LRRK2: variants seen among roughly 807,000 people sequenced by gnomAD.
LRRK2 encodes leucine-rich repeat serine/threonine-protein kinase 2.
Under a neutral mutation model 302.6 loss-of-function variants are expected in LRRK2, and 203 were observed. The observed-to-expected ratio is 0.67, with a 90% CI of 0.60 to 0.75. The LOEUF (loss-of-function observed/expected upper bound fraction) is 0.75. Among genes scored for constraint, LRRK2 ranks in the 30% least tolerant of loss-of-function variants. The pLI, the probability that LRRK2 is intolerant of heterozygous loss-of-function variation, is 0.00. For missense variants in LRRK2, 2,830 were observed against 2,951.0 expected, an observed-to-expected ratio of 0.96 and a Z score of 0.95; for synonymous variants, 1,066 against 1,031.9, an observed-to-expected ratio of 1.03 and a Z score of -0.63.
intron 33 of LRRK2, among the ~76,000 whole-genome samples, chr12:40,316,636 C>T (rs1258598706): frequency 6.6e-6 from 1 of 151,960 alleles, no homozygotes; most frequent in Non-Finnish European, 1.5e-5. Context: ...CAATTATCTT[C>T]TATATTGCCT....
chr12:40,366,302 A>T (rs1946879239), intron 49 of LRRK2: 1 of 151,864 alleles, frequency 6.6e-6, no homozygotes, highest in Non-Finnish European at 1.5e-5. Flanking sequence ...ATGCTTTGAA[A>T]TGTTAGCTCC....
chr12:40,335,298 G>T, intron 40 of LRRK2, 141 bp downstream of exon 40: 1 of 970,522 alleles, frequency 1.0e-6, no homozygotes, highest in East Asian at 2.6e-5. Context: ...CCATTTCCCT[G>T]ATCAAATTTT....
At chr12:40,333,370 G>A (rs996659111) in intron 39 of LRRK2, among the ~76,000 whole-genome samples, 1 of 152,128 alleles carries the variant, frequency 6.6e-6, no homozygotes, top group African/African-American at 2.4e-5. Flanking sequence ...TTTGAAGCTG[G>A]TTGTTAAGAA....
intron 38 of LRRK2, among the ~76,000 whole-genome samples, chr12:40,323,732 A>G (rs1281152144): frequency 1.3e-5 from 2 of 152,050 alleles, no homozygotes; most frequent in Non-Finnish European, 2.9e-5. Flanking sequence ...CTGAATTCTC[A>G]TAGAAATATT....
intron 39 of LRRK2, among the ~76,000 whole-genome samples, chr12:40,334,220 T>TGAGTTTG (rs1945801422): frequency 2.6e-5 from 4 of 152,194 alleles, no homozygotes; most frequent in Admixed American, 2.6e-4. Context: ...ATTCAGTAGA[T>TGAGTTTG]GAGTTTGACG....
intron 5 of LRRK2, among the ~76,000 whole-genome samples, chr12:40,239,143 C>T (rs1386874785): frequency 6.6e-6 from 1 of 152,106 alleles, no homozygotes; most frequent in Non-Finnish European, 1.5e-5. Context: ...ATCTGAGAAA[C>T]ATCTTCCCAT....
intron 20 of LRRK2, among the ~76,000 whole-genome samples, chr12:40,290,471 T>A (rs1225796850): frequency 6.6e-6 from 1 of 152,026 alleles, no homozygotes; most frequent in Non-Finnish European, 1.5e-5. Context: ...GTAAAGGTAT[T>A]TTCTTCTTAA....
intron 21 of LRRK2, among the ~76,000 whole-genome samples, 189 bp downstream of exon 21, chr12:40,293,852 A>T (rs4483664): frequency 1.3e-5 from 2 of 150,110 alleles, no homozygotes; most frequent in African/African-American, 2.4e-5. Context: ...CTCAATTCAC[A>T]TTTGTAGTCT....
At chr12:40,366,900 A>G in intron 49 of LRRK2, 106 bp from the exon 50 acceptor site, 1 of 751,478 alleles carries the variant, frequency 1.3e-6, no homozygotes. Flanking sequence ...TTGTGAATTC[A>G]GTTCCAAGGT....
At chr12:40,246,825 A>G (rs1942007504) in intron 7 of LRRK2, among the ~76,000 whole-genome samples, 1 of 152,122 alleles carries the variant, frequency 6.6e-6, no homozygotes, top group African/African-American at 2.4e-5. Flanking sequence ...CTTTCCCACA[A>G]GACTACTCTG....
intron 3 of LRRK2, among the ~76,000 whole-genome samples, chr12:40,233,861 C>G (rs1941314168): frequency 6.6e-6 from 1 of 152,240 alleles, no homozygotes; most frequent in South Asian, 2.1e-4. Flanking sequence ...TTCATCCAGT[C>G]ATTCATCTTC....
chr12:40,288,545 A>G (rs1209380022), intron 20 of LRRK2, among the ~76,000 whole-genome samples: 1 of 151,820 alleles, frequency 6.6e-6, no homozygotes, highest in East Asian at 1.9e-4. Context: ...AAATGATTGT[A>G]CTATGTTCTA....
intron 47 of LRRK2, among the ~76,000 whole-genome samples, chr12:40,362,279 GA>G (rs1413417603): frequency 6.6e-6 from 1 of 151,554 alleles, no homozygotes; most frequent in Non-Finnish European, 1.5e-5. Context: ...AAAGGGGGAG[GA>G]AAAAAAATCT....
At chr12:40,297,281 T>C (rs1172019086) in intron 23 of LRRK2, among the ~76,000 whole-genome samples, 2 of 152,204 alleles carry the variant, frequency 1.3e-5, no homozygotes, top group Non-Finnish European at 2.9e-5. Context: ...GAAGAGACTG[T>C]GACAAGGTGA....
In LRRK2 at chr12:40,260,660, T is replaced by G. The variant is rs537149695; in HGVS notation, c.1543+1056T>G. Among the ~76,000 whole-genome samples the G allele has an allele frequency of 2.0e-5, 3 of 152,222 alleles. No homozygotes were observed. The South Asian group carries it at 6.2e-4, about 32-fold the overall frequency. On this transcript the variant is annotated intron_variant, in intron 13 of 50. Transcript: ENST00000298910. ...GTAGTGTCACACCGAAATTTGCAACTAAAGACAATAGCATTGTGGTGCAGA... is the reference window on the plus strand; with the variant it reads ...GTAGTGTCACACCGAAATTTGCAACGAAAGACAATAGCATTGTGGTGCAGA...
At chr12:40,275,584 G>A (rs1380532154) in intron 16 of LRRK2, among the ~76,000 whole-genome samples, 5 of 150,836 alleles carry the variant, frequency 3.3e-5, no homozygotes, top group Admixed American at 6.6e-5. Context: ...TGGTTGTGGA[G>A]TTTGCAACTT....
chr12:40,340,427 G>A lies in LRRK2; in HGVS notation c.6082G>A (p.Gly2028Arg). The A allele has an allele frequency of 6.2e-7, 1 of 1,613,800 alleles. No homozygotes were observed. Among genetic ancestry groups the A allele is most frequent in the South Asian group, 1.1e-5 (1 of 91,078 alleles). ...YGIAQYCCRMGIKTSEGTPGF... is the reference protein window; with the variant it reads ...YGIAQYCCRMRIKTSEGTPGF... ...CATTGCTCAGTACTGCTGTAGAATG[G>A]GGATAAAAACATCAGAGGGCACACC... The change falls in exon 41 of 51, where the codon GGG becomes AGG. Residue 2028 changes from glycine (G) to arginine (R), a missense_variant. Coordinates refer to ENST00000298910, the MANE Select transcript of LRRK2 (RefSeq NM_198578.4).
chr12:40,322,438 T>G lies in LRRK2; in HGVS notation c.5437T>G (p.Leu1813Val). 2 of 1,613,328 alleles carry G rather than the reference T, an allele frequency of 1.2e-6. No homozygotes were observed. Among genetic ancestry groups the G allele is most frequent in the Non-Finnish European group, 1.7e-6 (2 of 1,179,454 alleles). ...EGETLLKKWA[L>V]YSFNDGEEHQ... The stretch of plus-strand genomic sequence containing the variant: ...AGAAACTCTGTTGAAGAAATGGGCA[T>G]TATATAGTTTTAATGATGGTGAAGA... The change falls in exon 37 of 51, where the codon TTA (leucine) becomes GTA (valine). Residue 1813 changes from leucine to valine, a missense_variant. Leu to Val is a conservative substitution (Grantham distance 32). Around this residue, in one of 3 missense-constraint regions of LRRK2, gnomAD observed 2,121 missense variants for 2,148.0 expected, o/e 0.99. Transcript: ENST00000298910.
chr12:40,332,944 A>G (rs148038463), intron 39 of LRRK2, among the ~76,000 whole-genome samples: 2 of 135,476 alleles, frequency 1.5e-5, no homozygotes, highest in Non-Finnish European at 3.1e-5. Flanking sequence ...GGGTGTGCAT[A>G]ATGTGCTTCT....
Sources: allele counts gnomAD v4.1 joint callset (sites outside exome capture counted in the v4.1 genomes callset), GRCh38; gene constraint gnomAD v4.1.1; regional missense constraint gnomAD v4.1.1; transcripts MANE v1.5; gene names NCBI Gene and HGNC (gene_info 2026-07-23, HGNC 2026-07-21).